Variants in ROBO2 observed in about 807,000 individuals in gnomAD.
The protein encoded by ROBO2 is roundabout homolog 2.
Under a neutral mutation model 160.8 loss-of-function variants are expected in ROBO2, and 53 were observed. The observed-to-expected ratio is 0.33, with a 90% CI of 0.26 to 0.41. The LOEUF (loss-of-function observed/expected upper bound fraction) is 0.41. Ranked by LOEUF, ROBO2 falls within the 10% of genes least tolerant of loss-of-function variation. The probability of loss-of-function intolerance (pLI) is 1.00; values close to 1 mark genes in which losing one functional copy is unlikely to be tolerated. For missense variants in ROBO2, 1,577 were observed against 1,722.4 expected (o/e 0.92, Z 1.49); for synonymous variants, 664 against 611.7 (o/e 1.09, Z -1.26).
intron 2 of ROBO2, among the ~76,000 whole-genome samples, chr3:77,373,099 A>G (rs999407489): frequency 2.7e-5 from 4 of 147,142 alleles, no homozygotes; most frequent in African/African-American, 7.3e-5. Context: ...TAATTAAAAT[A>G]TAATATTTTA....
At chr3:76,824,424 G>T (rs767102385) in intron 2 of ROBO2, among the ~76,000 whole-genome samples, 51 of 152,140 alleles carry the variant, frequency 3.4e-4, no homozygotes, top group Non-Finnish European at 5.7e-4. Context: ...AAAGAGTAAA[G>T]AAGCAGATTT....
chr3:76,764,080 C>T (rs1390524447), intron 2 of ROBO2, among the ~76,000 whole-genome samples: 3 of 151,884 alleles, frequency 2.0e-5, no homozygotes, highest in Admixed American at 6.6e-5. Flanking sequence ...AATTAGCCAA[C>T]TCACACACAG....
intron 5 of ROBO2, among the ~76,000 whole-genome samples, chr3:77,515,024 T>C (rs1213895758): frequency 6.6e-6 from 1 of 151,774 alleles, no homozygotes; most frequent in East Asian, 1.9e-4. Context: ...TTGCTTCAGA[T>C]TGCCTACATG....
chr3:76,648,946 GT>G (rs1181761123), intron 2 of ROBO2, among the ~76,000 whole-genome samples: 2 of 152,042 alleles, frequency 1.3e-5, no homozygotes, highest in Admixed American at 1.3e-4. Context: ...AAATAAGGAT[GT>G]CGGTGTACAA....
chr3:77,551,992 T>C (rs952605916), intron 8 of ROBO2, among the ~76,000 whole-genome samples: 1 of 151,964 alleles, frequency 6.6e-6, no homozygotes, highest in African/African-American at 2.4e-5. Flanking sequence ...CATTGAGTCG[T>C]TAATGGCTGC....
At chr3:76,835,001 CA>C (rs1297970573) in intron 2 of ROBO2, among the ~76,000 whole-genome samples, 1 of 151,942 alleles carries the variant, frequency 6.6e-6, no homozygotes, top group African/African-American at 2.4e-5. Context: ...GTTACACAAG[CA>C]AAAGGAATTA....
At position 77,052,463 on chromosome 3, in the gene ROBO2, G is replaced by A. The variant is rs73843461; in HGVS notation, c.61+11617G>A. Among the ~76,000 whole-genome samples, 218 of 152,280 alleles carry A rather than the reference G, an allele frequency of 1.4e-3. 2 individuals are homozygous for A. The highest frequency in any genetic ancestry group is 4.9e-3 in the African/African-American group (205 of 41,556). ...ATCAGTCAGCTGCCTTTGAGATCGA[G>A]TGATTAATACCTTCTGTTTTGAAGG... On this transcript the variant is annotated intron_variant, in intron 1 of 25. Transcript: ENST00000461745.
intron 2 of ROBO2, among the ~76,000 whole-genome samples, chr3:76,576,158 A>G (rs1364797381): frequency 6.6e-6 from 1 of 152,132 alleles, no homozygotes; most frequent in African/African-American, 2.4e-5. Context: ...TATATTTTAA[A>G]AGTAGCTGTC....
chr3:76,132,330 G>GGTT (rs2071253398), intron 2 of ROBO2, among the ~76,000 whole-genome samples: 1 of 135,810 alleles, frequency 7.4e-6, no homozygotes, highest in South Asian at 2.4e-4. Context: ...TAGTGCCCAA[G>GGTT]GTTTTCACTG....
rs116143249 is a variant in ROBO2, at chr3:76,438,466, G to A, written c.109+500864G>A. On this transcript the variant is annotated intron_variant, in intron 2 of 26. Coordinates refer to the ROBO2 transcript ENST00000487694. ...CAATGCACATATATGATGGTAGCAC[G>A]TATTTTACATAAAGTAATCCTATAA... 9.9e-3 allele frequency among the ~76,000 whole-genome samples: 1,491 copies of A among 150,726 alleles called. 21 individuals carry two copies. The highest frequency in any genetic ancestry group is 0.034 in the African/African-American group (1,383 of 41,052).
At chr3:77,404,726 A>C (rs2076120592) in intron 2 of ROBO2, among the ~76,000 whole-genome samples, 2 of 152,298 alleles carry the variant, frequency 1.3e-5, no homozygotes, top group Admixed American at 6.5e-5. Flanking sequence ...TGGAAGTAAA[A>C]TATTCATTTG....
At chr3:76,507,225 G>C (rs1325349092) in intron 2 of ROBO2, among the ~76,000 whole-genome samples, 1 of 151,980 alleles carries the variant, frequency 6.6e-6, no homozygotes, top group Non-Finnish European at 1.5e-5. Flanking sequence ...ATAGATTCCT[G>C]TTTGAAAATG....
chr3:76,397,585 G>A (rs539738954), intron 2 of ROBO2, among the ~76,000 whole-genome samples: 1 of 151,718 alleles, frequency 6.6e-6, no homozygotes, highest in East Asian at 1.9e-4. Flanking sequence ...TCTGACAAAG[G>A]GCTAATATCC....
chr3:77,300,054 A>G (rs775509678), intron 2 of ROBO2, among the ~76,000 whole-genome samples: 1 of 152,304 alleles, frequency 6.6e-6, no homozygotes, highest in East Asian at 1.9e-4. Context: ...TACATATTAT[A>G]TATTGTATAT....
chr3:76,695,509 G>T (rs1467655425), intron 2 of ROBO2, among the ~76,000 whole-genome samples: 1 of 152,022 alleles, frequency 6.6e-6, no homozygotes, highest in Non-Finnish European at 1.5e-5. Flanking sequence ...ATGAGAAAAG[G>T]CTACTGTAAA....
At chr3:76,948,565 A>G (rs980165455) in intron 2 of ROBO2, among the ~76,000 whole-genome samples, 1 of 144,330 alleles carries the variant, frequency 6.9e-6, no homozygotes, top group African/African-American at 2.6e-5. Flanking sequence ...CATTGGGGCT[A>G]TAATTATAAT....
chr3:77,370,717 A>G (rs1016865991), intron 2 of ROBO2, among the ~76,000 whole-genome samples: 9 of 151,952 alleles, frequency 5.9e-5, no homozygotes, highest in Non-Finnish European at 1.2e-4. Flanking sequence ...GAAGAATAAT[A>G]TTGTAGGACA....
At chr3:77,358,529 T>A (rs2069458442) in intron 2 of ROBO2, among the ~76,000 whole-genome samples, 1 of 152,200 alleles carries the variant, frequency 6.6e-6, no homozygotes, top group African/African-American at 2.4e-5. Flanking sequence ...AAAAACACAA[T>A]AAGGCAATCA....
rs1345351270 is a variant in ROBO2, at chr3:76,358,452, T to C, written c.109+420850T>C. Among the ~76,000 whole-genome samples, 3 of 152,040 alleles carry C rather than the reference T, an allele frequency of 2.0e-5. No homozygotes were observed. In the East Asian group the frequency reaches 5.8e-4, roughly 30 times the overall value. On this transcript the variant is annotated intron_variant, in intron 2 of 26. Transcript: ENST00000487694. ...TAGAGTACTAACTTGTTATTCAGAC[T>C]CACTTGCTAGGTGGCAGAGAAAATT...
Sources: gnomAD v4.1 joint callset for allele counts (sites outside exome capture counted in the v4.1 genomes callset) on GRCh38, gnomAD v4.1.1 for gene constraint, MANE v1.5 for transcripts, NCBI Gene and HGNC (gene_info 2026-07-23, HGNC 2026-07-21) for gene names.